PARD3B: variants seen among roughly 807,000 people sequenced by gnomAD.
PARD3B encodes par-3 family cell polarity regulator beta.
Under a neutral mutation model 130.2 loss-of-function variants are expected in PARD3B, and 103 were observed. That is an observed-to-expected ratio of 0.79 (90% CI 0.67 to 0.93). The LOEUF is 0.93. PARD3B is among the 40% of genes least tolerant of loss of function. The pLI, the probability that PARD3B is intolerant of heterozygous loss-of-function variation, is 0.00. For missense variants in PARD3B, 1,609 were observed against 1,499.2 expected, an observed-to-expected ratio of 1.07 and a Z score of -1.21; for synonymous variants, 583 against 553.2, an observed-to-expected ratio of 1.05 and a Z score of -0.76.
chr2:205,604,638 A>G (rs1182493541), intron 22 of PARD3B, among the ~76,000 whole-genome samples: 2 of 151,750 alleles, frequency 1.3e-5, no homozygotes, highest in Non-Finnish European at 2.9e-5. Context: ...TGCTCTTAAC[A>G]TTTTTTCCTT....
chr2:205,241,644 A>G lies in PARD3B; in HGVS notation c.2141-4134A>G, dbSNP rs1238907960. Among the ~76,000 whole-genome samples, 1 of 152,176 alleles carries G rather than the reference A, an allele frequency of 6.6e-6. No homozygotes were observed. Among genetic ancestry groups the G allele is most frequent in the Admixed American group, 6.5e-5 (1 of 15,284 alleles). ...TCTGTCATCAGAACGAGAACAAGAA[A>G]CTTAGACTCTTGCTCCATCAACACT... On this transcript the variant is annotated intron_variant, in intron 15 of 22. Transcript: ENST00000406610. The surrounding 1 kb of genome is among the most constrained non-coding windows in gnomAD (Gnocchi z 4.2).
At chr2:205,298,064 C>T (rs2041859275) in intron 16 of PARD3B, among the ~76,000 whole-genome samples, 1 of 152,174 alleles carries the variant, frequency 6.6e-6, no homozygotes, top group Admixed American at 6.5e-5. Flanking sequence ...ACGATTTATT[C>T]ACTTTCATGT....
chr2:205,188,316 G>A (rs1574329577), intron 14 of PARD3B, among the ~76,000 whole-genome samples: 1 of 152,180 alleles, frequency 6.6e-6, no homozygotes, highest in Non-Finnish European at 1.5e-5. Flanking sequence ...AAAGCTTGTG[G>A]TATCTCAGGG....
intron 20 of PARD3B, among the ~76,000 whole-genome samples, chr2:205,471,815 C>A (rs1464694667): frequency 6.6e-6 from 1 of 152,190 alleles, no homozygotes; most frequent in African/African-American, 2.4e-5. Flanking sequence ...TCAGGACCGT[C>A]ACAGATAATT....
intron 2 of PARD3B, among the ~76,000 whole-genome samples, chr2:204,788,445 G>A (rs923501613): frequency 6.6e-6 from 1 of 152,226 alleles, no homozygotes; most frequent in African/African-American, 2.4e-5. Context: ...ACGTAGCAGA[G>A]TTCTTAATCA....
At chr2:204,637,040 A>G (rs1255447671) in intron 1 of PARD3B, among the ~76,000 whole-genome samples, 1 of 152,190 alleles carries the variant, frequency 6.6e-6, no homozygotes, top group African/African-American at 2.4e-5. Context: ...TGGAAAATAA[A>G]CACTTAATCC....
chr2:205,049,704 G>A (rs1179999656), intron 4 of PARD3B, among the ~76,000 whole-genome samples: 2 of 152,162 alleles, frequency 1.3e-5, no homozygotes, highest in Non-Finnish European at 2.9e-5. Context: ...CCAAGTTGGG[G>A]TATGGGGCAG....
chr2:205,460,065 G>A lies in PARD3B; in HGVS notation c.3044+19393G>A, dbSNP rs941706642. Among the ~76,000 whole-genome samples the A allele has an allele frequency of 6.6e-6, 1 of 152,122 alleles. No individual in the cohort carries two copies. On this transcript the variant is annotated intron_variant, in intron 20 of 22. Transcript: ENST00000406610. The surrounding 1 kb of genome is among the most constrained non-coding windows in gnomAD (Gnocchi z 4.9). Reference sequence around the variant, plus strand: ...TGTTTCAGAAACTAGGAACATTACAGTACCAGAAGACTTGGATGTGCTTAA... The same window carrying A: ...TGTTTCAGAAACTAGGAACATTACAATACCAGAAGACTTGGATGTGCTTAA...
chr2:204,745,595 G>A (rs963116345), intron 2 of PARD3B, among the ~76,000 whole-genome samples: 9 of 151,878 alleles, frequency 5.9e-5, no homozygotes, highest in African/African-American at 2.2e-4. Context: ...TAGAGATGAG[G>A]TTTCACCATA....
chr2:204,611,411 C>A (rs1348904576), intron 1 of PARD3B, among the ~76,000 whole-genome samples: 2 of 152,194 alleles, frequency 1.3e-5, no homozygotes, highest in African/African-American at 4.8e-5. Context: ...AGGACTTCTA[C>A]CTTTTATCTC....
At chr2:205,513,543 TAAG>T (rs1243548034) in intron 21 of PARD3B, among the ~76,000 whole-genome samples, 1 of 152,026 alleles carries the variant, frequency 6.6e-6, no homozygotes, top group Non-Finnish European at 1.5e-5. Context: ...ATCTGCAAAA[TAAG>T]AAGAAAACCT....
rs943430644 is a variant in PARD3B at position 205,366,144 on chromosome 2, G to T, written c.2631-34869G>T. ...CCATATTTATGTTGGCTAGAGCTCT[G>T]TGGGTTACTTTAAACCAATTTTTTT... On this transcript the variant is annotated intron_variant, in intron 18 of 22. Coordinates refer to ENST00000406610, the MANE Select transcript of PARD3B (RefSeq NM_001302769.2). The surrounding 1 kb of genome is among the most constrained non-coding windows in gnomAD (Gnocchi z 5.0). Among the ~76,000 whole-genome samples, 1 of 151,744 alleles carries T rather than the reference G, an allele frequency of 6.6e-6. No individual in the cohort carries two copies.
At chr2:205,036,691 C>T (rs1033468333) in intron 3 of PARD3B, among the ~76,000 whole-genome samples, 2 of 139,878 alleles carry the variant, frequency 1.4e-5, no homozygotes, top group African/African-American at 5.3e-5. Flanking sequence ...ATATACACAG[C>T]GGACTGTATG....
intron 20 of PARD3B, among the ~76,000 whole-genome samples, chr2:205,450,292 G>T (rs765519751): frequency 5.3e-5 from 8 of 151,904 alleles, no homozygotes; most frequent in Non-Finnish European, 1.0e-4. Flanking sequence ...AAAATAATAG[G>T]TTTGGGAACC....
chr2:204,770,264 AG>A (rs2041305867), intron 2 of PARD3B, among the ~76,000 whole-genome samples: 3 of 112,762 alleles, frequency 2.7e-5, no homozygotes, highest in Non-Finnish European at 5.4e-5. Flanking sequence ...TTATGTACCC[AG>A]TAGTCATTCA....
chr2:204,811,192 C>T (rs942758825), intron 2 of PARD3B, among the ~76,000 whole-genome samples: 1 of 151,708 alleles, frequency 6.6e-6, no homozygotes, highest in African/African-American at 2.4e-5. Context: ...TTATTTGTGT[C>T]CTATTTCTTC....
At chr2:205,358,567 G>A (rs766727542) in intron 18 of PARD3B, among the ~76,000 whole-genome samples, 15 of 152,178 alleles carry the variant, frequency 9.9e-5, no homozygotes, top group Non-Finnish European at 2.2e-4. Context: ...AGGGGCGTGT[G>A]AATCATTCTT....
intron 2 of PARD3B, among the ~76,000 whole-genome samples, chr2:204,950,044 G>A (rs1296449326): frequency 2.0e-5 from 3 of 152,132 alleles, no homozygotes; most frequent in African/African-American, 4.8e-5. Flanking sequence ...CATTAAATGA[G>A]CAATTCCTTC....
chr2:205,420,290 A>G lies in PARD3B; in HGVS notation c.2741+19167A>G, dbSNP rs971596092. 5.9e-5 allele frequency among the ~76,000 whole-genome samples: 9 copies of G among 152,284 alleles called. 1 individual carries two copies. The highest frequency in any genetic ancestry group is 2.2e-4 in the African/African-American group (9 of 41,558). On this transcript the variant is annotated intron_variant, in intron 19 of 22. Coordinates refer to ENST00000406610, the MANE Select transcript of PARD3B (RefSeq NM_001302769.2). ...TGGATAACTGTTACTGTTATTCCTA[A>G]CAATTGCTATGTACGTGCCAGCCAC...
Sources: allele counts gnomAD v4.1 joint callset (sites outside exome capture counted in the v4.1 genomes callset), GRCh38; gene constraint gnomAD v4.1.1; non-coding constraint Gnocchi (gnomAD v3.1); transcripts MANE v1.5; gene names NCBI Gene and HGNC (gene_info 2026-07-23, HGNC 2026-07-21).